Variants in IL23R observed in about 807,000 individuals in gnomAD.
IL23R encodes interleukin 23 receptor.
In IL23R, 34 loss-of-function variants were observed where a neutral mutation model predicts 56.9. The ratio of observed to expected loss-of-function variants is 0.60; its 90% confidence interval spans 0.45 to 0.80. IL23R has a LOEUF of 0.80. IL23R is among the 30% of genes least tolerant of loss of function. IL23R has a pLI of 0.00. For missense variants in IL23R, 635 were observed against 730.0 expected (o/e 0.87, Z 1.50); for synonymous variants, 230 against 249.2 (o/e 0.92, Z 0.73).
intron 4 of IL23R, among the ~76,000 whole-genome samples, chr1:67,193,881 C>T (rs1488857512): frequency 2.6e-5 from 4 of 152,206 alleles, no homozygotes. Context: ...CCACAAGACT[C>T]AACCCTGTTT....
intron 7 of IL23R, among the ~76,000 whole-genome samples, chr1:67,224,011 A>G (rs1240924525): frequency 5.3e-5 from 8 of 152,130 alleles, no homozygotes; most frequent in Admixed American, 5.2e-4. Flanking sequence ...TTAAAAAGGG[A>G]CCTATGAAAA....
intron 6 of IL23R, among the ~76,000 whole-genome samples, chr1:67,218,601 T>C (rs1650030154): frequency 4.1e-5 from 6 of 146,918 alleles, no homozygotes; most frequent in Admixed American, 4.1e-4. Context: ...ATTCCAAAAT[T>C]AAGAATATAT....
intron 9 of IL23R, among the ~76,000 whole-genome samples, chr1:67,251,723 A>G (rs1374970174): frequency 6.6e-6 from 1 of 152,216 alleles, no homozygotes; most frequent in African/African-American, 2.4e-5. Context: ...CAAACCAGAA[A>G]GGACTCATTC....
chr1:67,252,379 C>T (rs1311249209), intron 9 of IL23R, among the ~76,000 whole-genome samples: 2 of 152,164 alleles, frequency 1.3e-5, no homozygotes, highest in East Asian at 3.8e-4. Context: ...ATCTAAGAGG[C>T]CTCTAATTGG....
chr1:67,160,736 C>A (rs570558074), intron 1 of IL23R, among the ~76,000 whole-genome samples: 2 of 152,078 alleles, frequency 1.3e-5, no homozygotes, highest in African/African-American at 4.8e-5. Context: ...GGCTGGAGTG[C>A]AGTGGCATGA....
Position 67,180,141 on chromosome 1 carries a change from G to T in IL23R, c.368-2695G>T, listed in dbSNP as rs562430869. Among the ~76,000 whole-genome samples the T allele has an allele frequency of 9.2e-5, 14 of 152,250 alleles. No homozygotes were observed. In the East Asian group the frequency reaches 2.7e-3, roughly 29 times the overall value. The stretch of plus-strand genomic sequence containing the variant: ...TGTAGATGTCTATTAGGTCTGCTTG[G>T]TGCAGAGCTGAGTTCAATTCCTGGA... On this transcript the variant is annotated intron_variant, in intron 3 of 10. Coordinates refer to ENST00000347310, the MANE Select transcript of IL23R (RefSeq NM_144701.3).
At chr1:67,198,590 A>G (rs773834958) in intron 4 of IL23R, among the ~76,000 whole-genome samples, 1 of 152,152 alleles carries the variant, frequency 6.6e-6, no homozygotes, top group Non-Finnish European at 1.5e-5. Context: ...CCTCTTCCAC[A>G]GTGCATGACT....
intron 4 of IL23R, among the ~76,000 whole-genome samples, chr1:67,199,066 C>T (rs1003809686): frequency 2.0e-5 from 3 of 152,092 alleles, no homozygotes; most frequent in East Asian, 1.9e-4. Flanking sequence ...ACAAATCCTC[C>T]GTAAAGGTGC....
chr1:67,235,350 CT>C (rs1651399114), intron 7 of IL23R, among the ~76,000 whole-genome samples: 1 of 152,006 alleles, frequency 6.6e-6, no homozygotes. Context: ...GAAAACTACC[CT>C]CCTCACGCTT....
chr1:67,263,132 T>TA (rs1553300685), downstream of IL23R, among the ~76,000 whole-genome samples: 744 of 139,632 alleles, frequency 5.3e-3, 10 homozygotes, highest in Middle Eastern at 0.015. Context: ...TTTTTTTTTT[T>TA]AACAGGTCAC....
At chr1:67,141,142 T>C (rs1042520314) in intron 1 of IL23R, among the ~76,000 whole-genome samples, 5 of 152,204 alleles carry the variant, frequency 3.3e-5, no homozygotes, top group African/African-American at 1.2e-4. Context: ...TAGAAAGCTT[T>C]ATACACAGAA....
intron 1 of IL23R, among the ~76,000 whole-genome samples, chr1:67,153,022 G>C (rs1646742023): frequency 1.3e-5 from 2 of 152,198 alleles, no homozygotes; most frequent in African/African-American, 4.8e-5. Context: ...CAGAAGGAAT[G>C]GTAGCAGCTC....
chr1:67,207,520 T>C, intron 6 of IL23R: 1 of 306,876 alleles, frequency 3.3e-6, no homozygotes, highest in Non-Finnish European at 6.3e-6. Flanking sequence ...GGTAATTGAA[T>C]CATGGAGGCC....
intron 1 of IL23R, among the ~76,000 whole-genome samples, chr1:67,140,276 A>C (rs1646624310): frequency 1.3e-5 from 2 of 152,324 alleles, no homozygotes; most frequent in East Asian, 1.9e-4. Flanking sequence ...AATATTTAAA[A>C]TTTCTGTATG....
intron 4 of IL23R, among the ~76,000 whole-genome samples, chr1:67,200,115 C>G (rs1262197909): frequency 1.3e-5 from 2 of 152,148 alleles, no homozygotes; most frequent in Non-Finnish European, 2.9e-5. Flanking sequence ...TCTCGGCTCA[C>G]TGCAAGCTCC....
chr1:67,181,114 C>T (rs966599828), intron 3 of IL23R, among the ~76,000 whole-genome samples: 2 of 152,056 alleles, frequency 1.3e-5, no homozygotes, highest in South Asian at 2.1e-4. Flanking sequence ...TTGGTCTTCT[C>T]GAGGAGTATC....
chr1:67,256,592 A>G (rs910012139), intron 10 of IL23R, among the ~76,000 whole-genome samples: 4 of 152,140 alleles, frequency 2.6e-5, no homozygotes, highest in African/African-American at 9.7e-5. Context: ...GGACAAACAC[A>G]TCATCCAAGC....
chr1:67,160,159 G>A (rs754300110), intron 1 of IL23R, among the ~76,000 whole-genome samples: 2 of 152,078 alleles, frequency 1.3e-5, no homozygotes, highest in African/African-American at 2.4e-5. Flanking sequence ...AGCCTGGTAC[G>A]TTCTCATGAA....
At chr1:67,165,733 A>G (rs11465752), upstream of IL23R, among the ~76,000 whole-genome samples, 463 of 152,356 alleles carry the variant, frequency 3.0e-3, 3 homozygotes, top group Non-Finnish European at 5.7e-3. Context: ...ATACTGCGTG[A>G]TCTCACTTAT....
Sources: allele counts gnomAD v4.1 joint callset (sites outside exome capture counted in the v4.1 genomes callset), GRCh38; gene constraint gnomAD v4.1.1; transcripts MANE v1.5; gene names NCBI Gene and HGNC (gene_info 2026-07-23, HGNC 2026-07-21).